SLC24A2: variants seen among roughly 807,000 people sequenced by gnomAD.
The protein encoded by SLC24A2 is solute carrier family 24 member 2.
A neutral mutation model predicts 62.0 loss-of-function variants in SLC24A2; 36 were observed. The ratio of observed to expected loss-of-function variants is 0.58; its 90% CI spans 0.44 to 0.77. SLC24A2 has a LOEUF of 0.77. SLC24A2 is among the 30% of genes least tolerant of loss of function. The probability of loss-of-function intolerance (pLI) is 0.00; values close to 1 mark genes in which losing one functional copy is unlikely to be tolerated. For synonymous variants in SLC24A2, 358 were observed against 294.0 expected, an observed-to-expected ratio of 1.22 and a Z score of -2.23; for missense variants, 846 against 817.9, an observed-to-expected ratio of 1.03 and a Z score of -0.42.
the SLC24A2 span, among the ~76,000 whole-genome samples, chr9:20,139,908 C>A: frequency 6.6e-6 from 1 of 152,222 alleles, no homozygotes; most frequent in South Asian, 2.1e-4. Context: ...CAGGCCCAGG[C>A]CCCTGACCCA....
the SLC24A2 span, among the ~76,000 whole-genome samples, chr9:20,050,016 G>A: frequency 5.9e-5 from 9 of 152,114 alleles, no homozygotes; most frequent in African/African-American, 1.9e-4. Flanking sequence ...CAGCTTTCAG[G>A]TGTTAGTCAC....
At chr9:20,084,412 A>G in the SLC24A2 span, among the ~76,000 whole-genome samples, 1 of 152,104 alleles carries the variant, frequency 6.6e-6, no homozygotes, top group South Asian at 2.1e-4. Context: ...GGGAAACACT[A>G]CAAATCAGAA....
In SLC24A2 at chr9:19,558,354, T is replaced by C. The variant is rs148840226; in HGVS notation, c.1348-8086A>G. ...CACCAATGAACATCAGGACCTCAAA[T>C]ATAAGTTAGGAAGAAAGACTTGTCT... On this transcript the variant is annotated intron_variant, in intron 7 of 10. Coordinates refer to ENST00000341998, the MANE Select transcript of SLC24A2 (RefSeq NM_020344.4). Among the ~76,000 whole-genome samples the C allele has an allele frequency of 2.6e-3, 399 of 152,196 alleles. 4 individuals are homozygous for C. The highest frequency in any genetic ancestry group is 8.7e-3 in the African/African-American group (361 of 41,510).
chr9:20,303,564 G>T, the SLC24A2 span, among the ~76,000 whole-genome samples: 1 of 152,110 alleles, frequency 6.6e-6, no homozygotes, highest in Admixed American at 6.5e-5. Context: ...AGCCCATACA[G>T]CCAGGGATAC....
Position 19,513,564 on chromosome 9 carries a change from G to A in SLC24A2, c.*2589C>T, listed in dbSNP as rs751551106. The stretch of plus-strand genomic sequence containing the variant: ...AACACTTCCTGTGAAGTGGAGCTCC[G>A]AGACAAGCAAAGGGCACCATAGCTG... On this transcript the variant is annotated 3_prime_UTR_variant, in exon 11 of 11. Coordinates refer to ENST00000341998, the MANE Select transcript of SLC24A2 (RefSeq NM_020344.4). 3.3e-5 allele frequency: 5 copies of A among 152,024 alleles called. No individual in the cohort carries two copies. Among genetic ancestry groups the A allele is most frequent in the African/African-American group, 9.7e-5 (4 of 41,382 alleles). The allele number at this position is 152,024 out of a possible 1,614,324, so 9.4% of individuals were successfully genotyped here. A position where few individuals can be genotyped will look rare whatever the true frequency, so the allele number is the denominator to read the frequency against.
chr9:19,528,655 C>A (rs1335876489), intron 8 of SLC24A2, among the ~76,000 whole-genome samples: 4 of 152,126 alleles, frequency 2.6e-5, no homozygotes, highest in Non-Finnish European at 5.9e-5. Flanking sequence ...ACTCATCTTA[C>A]AGTACCACAA....
chr9:20,219,041 T>C, the SLC24A2 span, among the ~76,000 whole-genome samples: 1 of 152,218 alleles, frequency 6.6e-6, no homozygotes, highest in Non-Finnish European at 1.5e-5. Context: ...TAGGGAAATA[T>C]ATGATCTCTG....
the SLC24A2 span, among the ~76,000 whole-genome samples, chr9:19,876,396 G>A: frequency 1.3e-5 from 2 of 150,160 alleles, no homozygotes; most frequent in Admixed American, 1.3e-4. Context: ...GTGTGTGTGT[G>A]TGTGTGTACA....
chr9:20,217,934 G>A, the SLC24A2 span, among the ~76,000 whole-genome samples: 383 of 152,196 alleles, frequency 2.5e-3, 1 homozygote, highest in African/African-American at 8.7e-3. Context: ...CCAGTTATAT[G>A]CGTTTTCCAA....
chr9:19,862,224 G>A, the SLC24A2 span, among the ~76,000 whole-genome samples: 88,249 of 151,878 alleles, frequency 0.58, 26,259 homozygotes, highest in Non-Finnish European at 0.64. Context: ...CAAACAATGG[G>A]GTTCCAATAT....
chr9:20,257,212 G>C, the SLC24A2 span, among the ~76,000 whole-genome samples: 2 of 152,104 alleles, frequency 1.3e-5, no homozygotes, highest in East Asian at 1.9e-4. Context: ...AGCCAGACTG[G>C]TTTGATCCCA....
the SLC24A2 span, among the ~76,000 whole-genome samples, chr9:20,067,294 C>T: frequency 6.6e-6 from 1 of 152,188 alleles, no homozygotes; most frequent in African/African-American, 2.4e-5. Context: ...ATGCTTGCAT[C>T]AAACACTAGT....
At chr9:19,836,831 A>G in the SLC24A2 span, among the ~76,000 whole-genome samples, 1 of 152,322 alleles carries the variant, frequency 6.6e-6, no homozygotes, top group East Asian at 1.9e-4. Flanking sequence ...AATCCTCAAT[A>G]AAATACTGGC....
chr9:19,728,980 T>C (rs898332908), intron 2 of SLC24A2, among the ~76,000 whole-genome samples: 11 of 152,200 alleles, frequency 7.2e-5, no homozygotes, highest in Admixed American at 1.3e-4. Flanking sequence ...AGGTAGGCCA[T>C]ATTTGACTTA....
At position 19,692,834 on chromosome 9, in the gene SLC24A2, T is replaced by C. The variant is rs372084833; in HGVS notation, c.931-70535A>G. Among the ~76,000 whole-genome samples, 9 of 152,290 alleles carry C rather than the reference T, an allele frequency of 5.9e-5. No individual in the cohort carries two copies. The South Asian group carries it at 1.0e-3, about 18-fold the overall frequency. On this transcript the variant is annotated intron_variant, in intron 2 of 10. Transcript: ENST00000341998. ...AAGTGCTCGATAAAAATTTGTTAGA[T>C]GAATGAATGTTGATTAATGACCAAA...
chr9:20,058,354 C>G, the SLC24A2 span, among the ~76,000 whole-genome samples: 1 of 152,094 alleles, frequency 6.6e-6, no homozygotes, highest in Non-Finnish European at 1.5e-5. Context: ...TTTATAAAAT[C>G]TCCCTACTGT....
At chr9:20,141,046 T>C in the SLC24A2 span, among the ~76,000 whole-genome samples, 1 of 152,124 alleles carries the variant, frequency 6.6e-6, no homozygotes, top group Non-Finnish European at 1.5e-5. Flanking sequence ...TATCATCACT[T>C]ATATTTTATG....
At chr9:20,083,785 G>C in the SLC24A2 span, among the ~76,000 whole-genome samples, 2 of 152,136 alleles carry the variant, frequency 1.3e-5, no homozygotes, top group East Asian at 1.9e-4. Context: ...GCCTACATTA[G>C]AGCCTGATAT....
At chr9:19,539,605 G>A (rs1834156659) in intron 8 of SLC24A2, among the ~76,000 whole-genome samples, 2 of 75,604 alleles carry the variant, frequency 2.6e-5, no homozygotes, top group Non-Finnish European at 5.0e-5. Flanking sequence ...TACATTTGCT[G>A]AGGAGAGCTT....
Sources: allele counts gnomAD v4.1 joint callset (sites outside exome capture counted in the v4.1 genomes callset), GRCh38; gene constraint gnomAD v4.1.1; transcripts MANE v1.5; gene names NCBI Gene and HGNC (gene_info 2026-07-23, HGNC 2026-07-21).